Variants in FNDC3A observed in about 807,000 individuals in gnomAD.
FNDC3A encodes the protein fibronectin type-III domain-containing protein 3A.
FNDC3A carries 32 observed loss-of-function variants against 148.9 expected under a neutral mutation model. The ratio of observed to expected loss-of-function variants is 0.21; its 90% confidence interval spans 0.16 to 0.29. The LOEUF (loss-of-function observed/expected upper bound fraction) is 0.29. Among genes scored for constraint, FNDC3A ranks in the 10% least tolerant of loss-of-function variants. The probability of loss-of-function intolerance (pLI) is 1.00; values close to 1 mark genes in which losing one functional copy is unlikely to be tolerated. For missense variants in FNDC3A, 1,191 were observed against 1,452.8 expected (o/e 0.82, Z 2.93); for synonymous variants, 472 against 473.6 (o/e 1.00, Z 0.04).
chr13:49,189,563 G>A (rs1285479856), intron 17 of FNDC3A, among the ~76,000 whole-genome samples: 1 of 151,396 alleles, frequency 6.6e-6, no homozygotes, highest in Non-Finnish European at 1.5e-5. Flanking sequence ...TTTTTGAAAT[G>A]AAATTTAATG....
At chr13:49,163,479 AC>A (rs1312808101) in intron 8 of FNDC3A, among the ~76,000 whole-genome samples, 1 of 152,094 alleles carries the variant, frequency 6.6e-6, no homozygotes, top group African/African-American at 2.4e-5. Context: ...GTTTGCTGAG[AC>A]CATTGGAAAA....
chr13:49,206,027 A>G (rs1886628291), intron 25 of FNDC3A, among the ~76,000 whole-genome samples: 1 of 152,144 alleles, frequency 6.6e-6, no homozygotes, highest in South Asian at 2.1e-4. Context: ...TAGCCCACCA[A>G]CTAACTGGAG....
chr13:49,197,057 A>G (rs1179763157), intron 20 of FNDC3A, 67 bp downstream of exon 20: 1 of 940,740 alleles, frequency 1.1e-6, no homozygotes, highest in Non-Finnish European at 1.6e-6. Context: ...ATAAAAGAAT[A>G]AAGATACTGT....
chr13:49,061,084 TAA>T (rs1363225032), intron 2 of FNDC3A, among the ~76,000 whole-genome samples: 1 of 150,864 alleles, frequency 6.6e-6, no homozygotes, highest in South Asian at 2.1e-4. Context: ...ATATTGAGAC[TAA>T]AAAAAAATTA....
At chr13:49,063,920 AAAAAGAG>A (rs1298093406) in intron 2 of FNDC3A, among the ~76,000 whole-genome samples, 1 of 152,142 alleles carries the variant, frequency 6.6e-6, no homozygotes. Flanking sequence ...TTTTATTTGA[AAAAAGAG>A]AAAGTATCTG....
intron 2 of FNDC3A, among the ~76,000 whole-genome samples, chr13:49,054,785 C>A (rs890053144): frequency 2.0e-5 from 3 of 152,262 alleles, no homozygotes; most frequent in Non-Finnish European, 4.4e-5. Context: ...TTGCCTGGCC[C>A]TAGCCAGGAT....
Position 49,198,530 on chromosome 13 carries a change from C to A in FNDC3A, c.2943C>A (p.Thr981=). The part of the protein sequence containing the change: ...WGEGTPKTLS[T]DSIQYHLQME... ...AAGGAACTCCAAAGACATTGTCAAC[C>A]GATTCTATTCAGTACCACCTTCAGA... The change falls in exon 23 of 26, where the codon ACC becomes ACA. Residue 981 remains threonine (T), a synonymous_variant. Coordinates refer to ENST00000492622, the MANE Select transcript of FNDC3A (RefSeq NM_001079673.2). 1 of 1,614,062 alleles carries A rather than the reference C, an allele frequency of 6.2e-7. No individual in the cohort carries two copies. Among genetic ancestry groups the A allele is most frequent in the Non-Finnish European group, 8.5e-7 (1 of 1,179,972 alleles).
intron 2 of FNDC3A, among the ~76,000 whole-genome samples, chr13:49,016,782 A>G (rs4942797): frequency 0.58 from 87,494 of 151,366 alleles, 26,897 homozygotes; most frequent in Non-Finnish European, 0.68. Flanking sequence ...AATGCGTCCC[A>G]GAGATTCTGG....
At chr13:49,002,081 G>A (rs945733083) in intron 1 of FNDC3A, among the ~76,000 whole-genome samples, 8 of 152,062 alleles carry the variant, frequency 5.3e-5, no homozygotes, top group South Asian at 4.1e-4. Flanking sequence ...TTCTCAGACC[G>A]GCTGACACTT....
At chr13:49,073,789 A>ATT (rs1344173182) in intron 2 of FNDC3A, among the ~76,000 whole-genome samples, 1 of 146,560 alleles carries the variant, frequency 6.8e-6, no homozygotes, top group African/African-American at 2.5e-5. Context: ...ATGTGTATAT[A>ATT]TTATATATAT....
At chr13:49,136,189 CAA>C (rs1593641914) in intron 5 of FNDC3A, 141 bp from the exon 6 acceptor site, 1 of 630,970 alleles carries the variant, frequency 1.6e-6, no homozygotes, top group East Asian at 2.8e-5. Flanking sequence ...TATGGAGACA[CAA>C]AGGTTGCTTT....
intron 25 of FNDC3A, among the ~76,000 whole-genome samples, chr13:49,206,821 GC>G (rs1886672032): frequency 6.6e-6 from 1 of 152,168 alleles, no homozygotes; most frequent in African/African-American, 2.4e-5. Flanking sequence ...TTCTCTAGCT[GC>G]CCTGGGGCAC....
intron 4 of FNDC3A, among the ~76,000 whole-genome samples, chr13:49,115,245 T>TAATG (rs1880873606): frequency 6.6e-6 from 1 of 150,966 alleles, no homozygotes; most frequent in South Asian, 2.1e-4. Context: ...CTTTTATGCA[T>TAATG]AATGACTGGG....
intron 5 of FNDC3A, among the ~76,000 whole-genome samples, chr13:49,133,065 T>C (rs898529629): frequency 2.6e-5 from 4 of 152,156 alleles, no homozygotes; most frequent in African/African-American, 9.7e-5. Flanking sequence ...AGCCTGTAAA[T>C]AGTGGATATA....
intron 7 of FNDC3A, among the ~76,000 whole-genome samples, chr13:49,141,615 T>G (rs562427355): frequency 2.0e-5 from 3 of 152,296 alleles, no homozygotes; most frequent in Admixed American, 6.5e-5. Context: ...TTCTACAGTC[T>G]TTGTCAAAAT....
chr13:49,190,965 T>G, intron 17 of FNDC3A, 50 bp from the exon 18 acceptor site: 4 of 1,226,578 alleles, frequency 3.3e-6, no homozygotes, highest in Non-Finnish European at 4.7e-6. Context: ...AGCAATCTGA[T>G]TATTTGGTTT....
intron 5 of FNDC3A, among the ~76,000 whole-genome samples, chr13:49,134,999 G>T (rs1440603891): frequency 1.3e-5 from 2 of 151,434 alleles, no homozygotes; most frequent in Admixed American, 6.6e-5. Context: ...GGGATTACAG[G>T]TGCGCGCCAC....
chr13:49,152,488 G>T (rs1220698978), intron 8 of FNDC3A, among the ~76,000 whole-genome samples: 2 of 150,746 alleles, frequency 1.3e-5, no homozygotes, highest in Middle Eastern at 3.4e-3. Context: ...TTGTCAGATG[G>T]GTAGATTGCA....
intron 8 of FNDC3A, among the ~76,000 whole-genome samples, chr13:49,148,964 T>C (rs1883140240): frequency 6.6e-6 from 1 of 152,130 alleles, no homozygotes; most frequent in African/African-American, 2.4e-5. Context: ...CTTTTGTAGC[T>C]ATTGTAAATG....
Sources: allele counts gnomAD v4.1 joint callset (sites outside exome capture counted in the v4.1 genomes callset), GRCh38; gene constraint gnomAD v4.1.1; transcripts MANE v1.5; gene names NCBI Gene and HGNC (gene_info 2026-07-23, HGNC 2026-07-21).